WWP1: variants seen among roughly 807,000 people sequenced by gnomAD.
WWP1 encodes the protein NEDD4-like E3 ubiquitin-protein ligase WWP1.
WWP1 carries 49 observed loss-of-function variants against 130.6 expected under a neutral mutation model. The observed-to-expected ratio is 0.38, with a 90% CI of 0.30 to 0.48. The LOEUF (loss-of-function observed/expected upper bound fraction) is 0.48. Among genes scored for constraint, WWP1 ranks in the 20% least tolerant of loss-of-function variants. WWP1 has a pLI of 0.99. For missense variants in WWP1, 809 were observed against 1,100.6 expected (o/e 0.74, Z 3.75); for synonymous variants, 332 against 367.8 (o/e 0.90, Z 1.11).
At chr8:86,361,511 G>A (rs1414527079) in intron 1 of WWP1, among the ~76,000 whole-genome samples, 2 of 151,964 alleles carry the variant, frequency 1.3e-5, no homozygotes, top group Admixed American at 1.3e-4. Flanking sequence ...GGCTTTCCTG[G>A]TATTCTTCAT....
chr8:86,399,691 T>A (rs1349837473), intron 7 of WWP1, among the ~76,000 whole-genome samples: 1 of 152,204 alleles, frequency 6.6e-6, no homozygotes, highest in African/African-American at 2.4e-5. Context: ...GAGCTTGAAT[T>A]ACTACCAAAT....
Position 86,402,014 on chromosome 8 carries a change from T to C in WWP1, c.540-5T>C, listed in dbSNP as rs187132881. The C allele has an allele frequency of 1.4e-3, 2,124 of 1,549,278 alleles. 7 individuals carry two copies. Among genetic ancestry groups the C allele is most frequent in the Non-Finnish European group, 1.2e-3 (1,375 of 1,145,494 alleles). On this transcript the variant is annotated splice_region_variant and splice_polypyrimidine_tract_variant and intron_variant, in intron 7 of 24. Transcript: ENST00000517970. ...ATGATTGAAATAAGGCATTTTTTTT[T>C]CAAGGTTGGCTGTTGAAGGCACGAA...
chr8:86,446,600 T>G (rs1586482954), intron 18 of WWP1, among the ~76,000 whole-genome samples: 1 of 152,194 alleles, frequency 6.6e-6, no homozygotes, highest in African/African-American at 2.4e-5. Flanking sequence ...TAGTTTTAGG[T>G]CTTACATTTA....
rs1474120058 is a variant in WWP1, at chr8:86,427,674, G to T, written c.1189G>T (p.Val397Phe). Residue 397 changes from valine (V) to phenylalanine (F), a missense_variant, in exon 11 of 25, where the codon GTT (valine) becomes TTT (phenylalanine). Physicochemically the swap from Val to Phe is conservative, Grantham distance 50 (BLOSUM62 -1). Coordinates refer to ENST00000517970, the MANE Select transcript of WWP1 (RefSeq NM_007013.4). The part of the protein sequence containing the change: ...WERRVDDRRR[V>F]YYVDHNTRTT... ...AAGAAGAGTTGATGATCGTAGAAGAGTTTATTATGTGGATCATAACACCAG... is the reference window on the plus strand; with the variant it reads ...AAGAAGAGTTGATGATCGTAGAAGATTTTATTATGTGGATCATAACACCAG... 6.2e-7 allele frequency: 1 copy of T among 1,613,322 alleles called. No individual in the cohort carries two copies. The highest frequency in any genetic ancestry group is 8.5e-7 in the Non-Finnish European group (1 of 1,179,672).
intron 1 of WWP1, among the ~76,000 whole-genome samples, chr8:86,362,953 GTATTTAATAT>G (rs1221070549): frequency 6.6e-6 from 1 of 151,882 alleles, no homozygotes; most frequent in Non-Finnish European, 1.5e-5. Flanking sequence ...ATTGTTTCTC[GTATTTAATAT>G]TATTTAATAT....
chr8:86,393,007 AT>A (rs140721318), intron 5 of WWP1, among the ~76,000 whole-genome samples: 8,255 of 152,292 alleles, frequency 0.054, 313 homozygotes, highest in Non-Finnish European at 0.086. Context: ...AGATAAAAAA[AT>A]GAGAAGTTTT....
chr8:86,356,351 G>A (rs970371456), intron 1 of WWP1, among the ~76,000 whole-genome samples: 3 of 151,830 alleles, frequency 2.0e-5, no homozygotes, highest in African/African-American at 7.3e-5. Flanking sequence ...ATTTTCTTCA[G>A]AAACATGCAG....
At chr8:86,456,315 A>G (rs1220878560) in intron 21 of WWP1, among the ~76,000 whole-genome samples, 1 of 151,942 alleles carries the variant, frequency 6.6e-6, no homozygotes, top group Non-Finnish European at 1.5e-5. Context: ...CCATTAAGTG[A>G]AAAAGCAACC....
chr8:86,390,399 G>T (rs1807235885), intron 5 of WWP1, among the ~76,000 whole-genome samples: 1 of 152,166 alleles, frequency 6.6e-6, no homozygotes, highest in Non-Finnish European at 1.5e-5. Flanking sequence ...CTCCAGCCTG[G>T]GCAAGATTGA....
At chr8:86,383,513 A>G (rs1433433868) in intron 5 of WWP1, among the ~76,000 whole-genome samples, 1 of 152,178 alleles carries the variant, frequency 6.6e-6, no homozygotes, top group Non-Finnish European at 1.5e-5. Flanking sequence ...AGGCTGAGGC[A>G]GGCGGATCAC....
chr8:86,441,077 G>A (rs1213336576), intron 17 of WWP1, among the ~76,000 whole-genome samples: 1 of 152,166 alleles, frequency 6.6e-6, no homozygotes, highest in African/African-American at 2.4e-5. Context: ...TTTTCTGCTA[G>A]CATCAGAGGA....
intron 22 of WWP1, among the ~76,000 whole-genome samples, chr8:86,458,249 T>C (rs1430792409): frequency 6.6e-6 from 1 of 152,204 alleles, no homozygotes; most frequent in Non-Finnish European, 1.5e-5. Flanking sequence ...CAGAATCTTA[T>C]TTAAGTAATA....
chr8:86,429,393 A>G (rs1415900557), intron 11 of WWP1, among the ~76,000 whole-genome samples: 1 of 152,204 alleles, frequency 6.6e-6, no homozygotes, highest in African/African-American at 2.4e-5. Flanking sequence ...TGGAAGATAA[A>G]TATTGAGTAT....
chr8:86,377,673 G>T (rs1022785043), intron 3 of WWP1, among the ~76,000 whole-genome samples: 9 of 152,072 alleles, frequency 5.9e-5, no homozygotes, highest in Non-Finnish European at 1.3e-4. Context: ...ATACTGTAAT[G>T]TACCAGCTAC....
At position 86,457,990 on chromosome 8, in the gene WWP1, A is replaced by G; in HGVS notation, c.2464A>G (p.Thr822Ala). The change falls in exon 22 of 25, where the codon ACA becomes GCA. Residue 822 changes from threonine (T) to alanine (A), a missense_variant. Transcript: ENST00000517970. ...WQRNTVYRHY[T>A]RNSKQIIWFW... ...GAGAAATACTGTTTATCGACATTAT[A>G]CAAGAAACAGCAAGCAAATCATTTG... The G allele has an allele frequency of 1.9e-6, 3 of 1,612,568 alleles. No homozygotes were observed. The highest frequency in any genetic ancestry group is 2.5e-6 in the Non-Finnish European group (3 of 1,178,804).
chr8:86,432,504 A>G (rs183026759), intron 14 of WWP1, among the ~76,000 whole-genome samples: 2 of 151,726 alleles, frequency 1.3e-5, no homozygotes, highest in African/African-American at 4.8e-5. Context: ...TTTCTCTACA[A>G]AATTATTCTT....
intron 3 of WWP1, among the ~76,000 whole-genome samples, chr8:86,377,688 G>A (rs1226578449): frequency 6.6e-6 from 1 of 152,074 alleles, no homozygotes; most frequent in African/African-American, 2.4e-5. Flanking sequence ...AGCTACTCAA[G>A]GATAGTAGCA....
chr8:86,392,683 A>T (rs996575126), intron 5 of WWP1, among the ~76,000 whole-genome samples: 1 of 152,206 alleles, frequency 6.6e-6, no homozygotes, highest in African/African-American at 2.4e-5. Flanking sequence ...CTTTAGCCTT[A>T]TTAACTGAGT....
chr8:86,438,588 A>G lies in WWP1; in HGVS notation c.1753A>G (p.Met585Val), dbSNP rs1586463477. 6.3e-7 allele frequency: 1 copy of G among 1,596,622 alleles called. No individual in the cohort carries two copies. Among genetic ancestry groups the G allele is most frequent in the Non-Finnish European group, 8.5e-7 (1 of 1,175,350 alleles). The change falls in exon 17 of 25, where the codon ATG becomes GTG. Residue 585 changes from methionine to valine, a missense_variant. Physicochemically the swap from Met to Val is conservative, Grantham distance 21. This residue lies in a region of WWP1 where 450 missense variants were observed against 674.2 expected (regional missense o/e 0.67). Transcript: ENST00000517970. ...TLFEDSFQQI[M>V]ALKPYDLRRR... ...TCATGTTTTTGTTTTTAATTAGATT[A>G]TGGCATTAAAACCCTATGACTTGAG...
Sources: allele counts gnomAD v4.1 joint callset (sites outside exome capture counted in the v4.1 genomes callset), GRCh38; gene constraint gnomAD v4.1.1; regional missense constraint gnomAD v4.1.1; transcripts MANE v1.5; gene names NCBI Gene and HGNC (gene_info 2026-07-23, HGNC 2026-07-21).